The following KDM4B variants were observed in gnomAD, a reference collection of about 807,000 sequenced individuals.
The protein encoded by KDM4B is lysine demethylase 4B, also known as lysine-specific demethylase 4B.
In KDM4B, 32 loss-of-function variants were observed where a neutral mutation model predicts 125.2. The observed-to-expected ratio is 0.26, with a 90% CI of 0.19 to 0.34. KDM4B has a LOEUF of 0.34. KDM4B is among the 10% of genes least tolerant of loss of function. KDM4B has a pLI of 1.00. For synonymous variants in KDM4B, 721 were observed against 677.9 expected (o/e 1.06, Z -0.99); for missense variants, 1,190 against 1,577.7 (o/e 0.75, Z 4.16).
chr19:5,068,228 G>A (rs1599548282), intron 6 of KDM4B, among the ~76,000 whole-genome samples: 1 of 152,090 alleles, frequency 6.6e-6, no homozygotes, highest in African/African-American at 2.4e-5. Flanking sequence ...CTGCTGAGAC[G>A]CCCCTCTGGG....
Position 5,135,320 on chromosome 19 carries a change from G to T in KDM4B, c.2086-19G>T, listed in dbSNP as rs764844215. On this transcript the variant is annotated intron_variant, in intron 14 of 22. Coordinates refer to ENST00000159111, the MANE Select transcript of KDM4B (RefSeq NM_015015.3). ...CCCACACATGGCTCTGTCCCCTGAA[G>T]GTCGCCTCTCCCCTACAGGCCCTAC... is the stretch of plus-strand genomic sequence containing the variant. 1 of 1,567,138 alleles carries T rather than the reference G, an allele frequency of 6.4e-7. No homozygotes were observed. Among genetic ancestry groups the T allele is most frequent in the Admixed American group, 1.7e-5 (1 of 59,772 alleles).
intron 1 of KDM4B, among the ~76,000 whole-genome samples, chr19:5,012,606 G>A (rs2035763623): frequency 6.6e-6 from 1 of 152,208 alleles, no homozygotes; most frequent in South Asian, 2.1e-4. Context: ...AGTGTTGAGG[G>A]GGCTGGCCAG....
Position 5,136,580 on chromosome 19 carries a change from G to A in KDM4B, c.2309-682G>A, listed in dbSNP as rs138346634. On this transcript the variant is annotated intron_variant, in intron 15 of 22. Transcript: ENST00000159111. ...GGCTCCCTGGGGGAAGGGTTGCCGAGGGTCCCAGGCCTGCCACAGCCGGGC... is the reference window on the plus strand; with the variant it reads ...GGCTCCCTGGGGGAAGGGTTGCCGAAGGTCCCAGGCCTGCCACAGCCGGGC... 5.9e-5 allele frequency among the ~76,000 whole-genome samples: 9 copies of A among 152,260 alleles called. No individual in the cohort carries two copies. The East Asian group carries it at 1.7e-3, about 29-fold the overall frequency.
chr19:5,019,943 G>A (rs1462960181), intron 2 of KDM4B, among the ~76,000 whole-genome samples: 2 of 142,494 alleles, frequency 1.4e-5, no homozygotes, highest in South Asian at 2.3e-4. Flanking sequence ...TTGGTGTGCA[G>A]GTGTTAGTGT....
intron 21 of KDM4B, among the ~76,000 whole-genome samples, chr19:5,146,745 A>C (rs1050424371): frequency 5.3e-5 from 5 of 94,104 alleles, no homozygotes; most frequent in African/African-American, 1.8e-4. Context: ...TGGGCAACAA[A>C]GTGAGACCCC....
chr19:5,080,055 C>T (rs35249809), intron 8 of KDM4B, among the ~76,000 whole-genome samples: 10,346 of 152,304 alleles, frequency 0.068, 444 homozygotes, highest in Middle Eastern at 0.14. Context: ...GTGTTCCCCC[C>T]CCACCCCTAT....
chr19:5,059,824 A>ACAGCCTGCAGGTATC (rs2037528387), intron 6 of KDM4B, among the ~76,000 whole-genome samples: 1 of 152,170 alleles, frequency 6.6e-6, no homozygotes, highest in Non-Finnish European at 1.5e-5. Context: ...GGGAGCCTCC[A>ACAGCCTGCAGGTATC]CAGCCTGCAG....
At chr19:4,972,508 G>C (rs915807462) in intron 1 of KDM4B, among the ~76,000 whole-genome samples, 1 of 152,120 alleles carries the variant, frequency 6.6e-6, no homozygotes, top group East Asian at 1.9e-4. Flanking sequence ...ATTCTGTGGC[G>C]GGGCTGTCCT....
At chr19:5,064,403 G>A (rs985805034) in intron 6 of KDM4B, among the ~76,000 whole-genome samples, 3 of 150,944 alleles carry the variant, frequency 2.0e-5, no homozygotes, top group Non-Finnish European at 2.9e-5. Flanking sequence ...ATTGGGCTGT[G>A]CCGACATCTC....
chr19:4,988,691 T>C (rs2034930438), intron 1 of KDM4B, among the ~76,000 whole-genome samples: 1 of 151,870 alleles, frequency 6.6e-6, no homozygotes, highest in Admixed American at 6.6e-5. Flanking sequence ...GATGAAGACA[T>C]GTGTAGGGTG....
At chr19:5,040,222 A>G (rs2036763747) in intron 4 of KDM4B, among the ~76,000 whole-genome samples, 1 of 151,886 alleles carries the variant, frequency 6.6e-6, no homozygotes, top group Non-Finnish European at 1.5e-5. Context: ...CCCTCATCTC[A>G]GTTTCCCAGG....
At chr19:4,987,014 T>C (rs1162501302) in intron 1 of KDM4B, among the ~76,000 whole-genome samples, 1 of 151,998 alleles carries the variant, frequency 6.6e-6, no homozygotes, top group East Asian at 1.9e-4. Context: ...TGGAGCGTAG[T>C]GGCACAATCT....
chr19:5,092,859 A>G (rs1342939520), intron 9 of KDM4B, among the ~76,000 whole-genome samples: 1 of 152,152 alleles, frequency 6.6e-6, no homozygotes, highest in Non-Finnish European at 1.5e-5. Flanking sequence ...GCCGTCGTGG[A>G]TGAGTCGTAA....
chr19:5,061,263 T>G (rs1461784760), intron 6 of KDM4B, among the ~76,000 whole-genome samples: 1 of 152,198 alleles, frequency 6.6e-6, no homozygotes, highest in African/African-American at 2.4e-5. Context: ...CCATCTTCCC[T>G]GAGCCGAGGC....
At chr19:5,004,965 C>G (rs992212523) in intron 1 of KDM4B, among the ~76,000 whole-genome samples, 6 of 152,218 alleles carry the variant, frequency 3.9e-5, no homozygotes, top group African/African-American at 1.4e-4. Context: ...TCTCCCACTT[C>G]CCCAGGCTTC....
At chr19:5,113,178 AC>A (rs1274377371) in intron 10 of KDM4B, 2 of 151,336 alleles carry the variant, frequency 1.3e-5, no homozygotes, top group African/African-American at 2.4e-5. Context: ...ACTTCTAGTC[AC>A]GACCTGCTCC....
chr19:4,979,571 G>C (rs753353658), intron 1 of KDM4B, among the ~76,000 whole-genome samples: 2 of 152,128 alleles, frequency 1.3e-5, no homozygotes, highest in Non-Finnish European at 2.9e-5. Flanking sequence ...GTGATCATGG[G>C]GACATGAGGC....
Position 5,114,012 on chromosome 19 carries a change from T to A in KDM4B, c.1115+3194T>A, listed in dbSNP as rs911328744. 1.5e-5 allele frequency: 19 copies of A among 1,274,474 alleles called. No individual in the cohort carries two copies. The highest frequency in any genetic ancestry group is 3.1e-5 in the African/African-American group (2 of 65,264). The allele number at this position is 1,274,474 out of a possible 1,614,324, so 78.9% of individuals were successfully genotyped here. ...ATCTCGTTGAGCGAGCGTTGGGGGC[T>A]GTTTGTATTCTTCCCCCTGATGGAT... On this transcript the variant is annotated intron_variant, in intron 10 of 22. Transcript: ENST00000159111. The surrounding 1 kb of genome is among the most constrained non-coding windows in gnomAD (Gnocchi z 5.8).
chr19:5,060,322 C>T (rs932217176), intron 6 of KDM4B, among the ~76,000 whole-genome samples: 7 of 151,376 alleles, frequency 4.6e-5, no homozygotes, highest in African/African-American at 1.7e-4. Flanking sequence ...GCCTGTAGTC[C>T]CAGCTACTCG....
Sources: gnomAD v4.1 joint callset for allele counts (sites outside exome capture counted in the v4.1 genomes callset) on GRCh38, gnomAD v4.1.1 for gene constraint, Gnocchi (gnomAD v3.1) non-coding constraint, MANE v1.5 for transcripts, NCBI Gene and HGNC (gene_info 2026-07-23, HGNC 2026-07-21) for gene names.